HCFC1: variants seen among roughly 807,000 people sequenced by gnomAD.
HCFC1 encodes the protein host cell factor C1, also known as host cell factor 1.
A neutral mutation model predicts 105.5 loss-of-function variants in HCFC1; 7 were observed. The ratio of observed to expected loss-of-function variants is 0.07; its 90% confidence interval spans 0.04 to 0.12. HCFC1 has a LOEUF of 0.12. Among genes scored for constraint, HCFC1 ranks in the 10% least tolerant of loss-of-function variants. HCFC1 has a pLI of 1.00. For synonymous variants in HCFC1, 918 were observed against 828.1 expected (o/e 1.11, Z -1.86); for missense variants, 1,065 against 1,823.6 (o/e 0.58, Z 7.58).
Position 153,954,177 on chromosome X carries a change from G to C in HCFC1, c.4222C>G (p.Leu1408Val). The C allele has an allele frequency of 8.3e-7, 1 of 1,201,155 alleles. No homozygotes were observed. The highest frequency in any genetic ancestry group is 1.1e-6 in the Non-Finnish European group (1 of 891,723). Residue 1408 changes from leucine to valine, a missense_variant, in exon 17 of 26, where the codon CTG becomes GTG. Leu to Val is a conservative substitution (Grantham distance 32). Around this residue, in one of 17 missense-constraint regions of HCFC1, gnomAD observed 546 missense variants for 599.9 expected, o/e 0.91. Transcript: ENST00000310441. ...SVTPQAGTAL[L>V]APFPTQRVCS... ...ACCCTCTGTGTTGGGAAAGGAGCCA[G>C]CAGCGCGGTGCCAGCCTGGGGGGTG...
At position 153,951,373 on chromosome X, in the gene HCFC1, G is replaced by C. The variant is rs1557112388; in HGVS notation, c.5494C>G (p.Pro1832Ala). 8.3e-7 allele frequency: 1 copy of C among 1,211,472 alleles called. No individual in the cohort carries two copies. The highest frequency in any genetic ancestry group is 1.1e-6 in the Non-Finnish European group (1 of 895,254). Residue 1832 changes from proline (P) to alanine (A), a missense_variant, in exon 22 of 26, where the codon CCA becomes GCA. By Grantham distance (27) the Pro-to-Ala change is conservative. This residue lies in a region of HCFC1 where 17 missense variants were observed against 30.5 expected (regional missense o/e 0.56). Coordinates refer to ENST00000310441, the MANE Select transcript of HCFC1 (RefSeq NM_005334.3). Reference protein sequence around the residue: ...NVMVTHYFLPPDDAVPSDDDL... With the variant: ...NVMVTHYFLPADDAVPSDDDL... ...ACGTCTGATGGGACAGCATCATCTG[G>C]TGGCAGGAAATAGTGTGTCACCATT...
At chrX:153,953,915 C>G in intron 17 of HCFC1, 145 bp from the exon 18 acceptor site, 1 of 879,740 alleles carries the variant, frequency 1.1e-6, no homozygotes, top group Non-Finnish European at 1.6e-6. Context: ...GCTTCAGGTA[C>G]AGCCAGGACG....
Position 153,962,722 on chromosome X carries a change from A to G in HCFC1, c.713-416T>C, listed in dbSNP as rs147915697. On this transcript the variant is annotated intron_variant, in intron 4 of 25. Transcript: ENST00000310441. ...TGCCGACTCTGATCTATAGGACAAC[A>G]TCGCCATCTCCTCTCTCCCAGCTGA... 2.3e-3 allele frequency among the ~76,000 whole-genome samples: 256 copies of G among 111,978 alleles called. 2 individuals are homozygous for G. Among genetic ancestry groups the G allele is most frequent in the South Asian group, 0.018 (48 of 2,696 alleles).
intron 1 of HCFC1, among the ~76,000 whole-genome samples, chrX:153,969,034 G>C (rs1262910781): frequency 8.9e-6 from 1 of 112,207 alleles, no homozygotes; most frequent in Non-Finnish European, 1.9e-5. Flanking sequence ...ACGAAAAACG[G>C]TCACAGACAA....
intron 4 of HCFC1, 95 bp downstream of exon 4, chrX:153,963,130 C>T: frequency 4.7e-6 from 3 of 639,742 alleles, no homozygotes; most frequent in Non-Finnish European, 7.7e-6. Context: ...TCCCTAAGAG[C>T]CCCACCTCAC....
In HCFC1 at chrX:153,958,684, G is replaced by A. The variant is rs2065401337; in HGVS notation, c.1688C>T (p.Ser563Leu). Residue 563 changes from serine (S) to leucine (L), a missense_variant, in exon 10 of 26, where the codon TCG (serine) becomes TTG (leucine). Ser to Leu is a moderately radical substitution (Grantham distance 145, BLOSUM62 -2). This residue lies in a region of HCFC1 where 137 missense variants were observed against 378.2 expected (regional missense o/e 0.36). Coordinates refer to ENST00000310441, the MANE Select transcript of HCFC1 (RefSeq NM_005334.3). ...TGGGACACTCAGCACCGTGGGTGCC[G>A]AGGAAGGGGGGATCTTCTGGGTGGC... ...AAATQKIPPS[S>L]APTVLSVPAG... The A allele has an allele frequency of 2.5e-6, 3 of 1,200,303 alleles. No homozygotes were observed. The highest frequency in any genetic ancestry group is 1.7e-5 in the African/African-American group (1 of 57,183).
chrX:153,950,745 G>A, intron 23 of HCFC1, 68 bp downstream of exon 23: 2 of 1,071,042 alleles, frequency 1.9e-6, no homozygotes, highest in Non-Finnish European at 1.3e-6. Context: ...CCCCCCCCCG[G>A]CCACCTCATG....
intron 10 of HCFC1, 72 bp downstream of exon 10, chrX:153,958,497 G>C: frequency 1.0e-6 from 1 of 999,341 alleles, no homozygotes; most frequent in Admixed American, 2.6e-5. Context: ...ACGGTCCAAC[G>C]GCTAACTCTA....
chrX:153,964,318 G>C (rs1557117812), intron 2 of HCFC1, 34 bp from the exon 3 acceptor site: 1 of 1,130,633 alleles, frequency 8.8e-7, no homozygotes, highest in Admixed American at 2.7e-5. Context: ...TGAACCGTGG[G>C]ATGAGAAGGC....
At chrX:153,958,473 T>C in intron 10 of HCFC1, 96 bp downstream of exon 10, 6 of 864,509 alleles carry the variant, frequency 6.9e-6, no homozygotes, top group South Asian at 4.7e-5. Context: ...TGGAGACAGC[T>C]TATTCTGCAG....
At chrX:153,950,211 T>G (rs782283485) in intron 24 of HCFC1, 32 bp downstream of exon 24, 1 of 1,125,993 alleles carries the variant, frequency 8.9e-7, no homozygotes, top group African/African-American at 1.8e-5. Context: ...GGGCCTTCCC[T>G]GTGCCTGAAG....
Position 153,958,713 on chromosome X carries a change from G to A in HCFC1, c.1659C>T (p.Ala553=), listed in dbSNP as rs1012734705. 1.7e-5 allele frequency: 20 copies of A among 1,192,984 alleles called. No homozygotes were observed. The highest frequency in any genetic ancestry group is 2.1e-5 in the Non-Finnish European group (19 of 884,985). The stretch of plus-strand genomic sequence containing the variant: ...AAGGGGGGATCTTCTGGGTGGCAGC[G>A]GCCGCAGCGGCCAGTGCGGCCATCC... ...MSGMAALAAA[A]AATQKIPPSS... is the part of the protein sequence containing the mutation. The change falls in exon 10 of 26, where the codon GCC becomes GCT. Residue 553 remains alanine, a synonymous_variant. Transcript: ENST00000310441.
intron 5 of HCFC1, among the ~76,000 whole-genome samples, chrX:153,961,886 CCA>C (rs1190001764): frequency 8.9e-6 from 1 of 112,172 alleles, no homozygotes; most frequent in Admixed American, 9.4e-5. Context: ...ACCTTCATGT[CCA>C]CAGTTTCTAG....
intron 6 of HCFC1, among the ~76,000 whole-genome samples, chrX:153,960,996 G>A (rs1424745241): frequency 2.7e-5 from 3 of 112,335 alleles, no homozygotes; most frequent in Non-Finnish European, 3.8e-5. Context: ...TCACCCCTAG[G>A]ATACACTTGC....
chrX:153,954,341 G>A lies in HCFC1; in HGVS notation c.4058C>T (p.Ala1353Val). The A allele has an allele frequency of 8.3e-7, 1 of 1,202,290 alleles. No homozygotes were observed. The highest frequency in any genetic ancestry group is 1.1e-6 in the Non-Finnish European group (1 of 890,181). Residue 1353 changes from alanine (A) to valine (V), a missense_variant, in exon 17 of 26, where the codon GCT (alanine) becomes GTT (valine). Ala to Val is a moderately conservative substitution (Grantham distance 64). Coordinates refer to ENST00000310441, the MANE Select transcript of HCFC1 (RefSeq NM_005334.3). ...CTGGTGTGTCTCACAGGGGCGACCA[G>A]CAGGGGGCTGCTGCCCACCCTCGGG... ...GQPEGGQQPPAGRPCETHQTT... is the reference protein window; with the variant it reads ...GQPEGGQQPPVGRPCETHQTT...
At chrX:153,968,138 C>T (rs1259411642) in intron 1 of HCFC1, among the ~76,000 whole-genome samples, 9 of 111,448 alleles carry the variant, frequency 8.1e-5, no homozygotes, top group African/African-American at 2.9e-4. Context: ...ACAGAGCCAC[C>T]GTAGCCAAAG....
At chrX:153,953,877 C>T (rs2065341355) in intron 17 of HCFC1, 107 bp from the exon 18 acceptor site, 1 of 943,344 alleles carries the variant, frequency 1.1e-6, no homozygotes, top group Non-Finnish European at 1.4e-6. Context: ...CCAGATAAGG[C>T]AGGACAGGCT....
chrX:153,970,583 G>A lies in HCFC1; in HGVS notation c.193+65C>T, dbSNP rs1381082995. ...GGAGCAGATGGAGGGAGGGAGGAAA[G>A]AGGAGGGAGAGGGAGGAGATGGAGG... is the stretch of plus-strand genomic sequence containing the variant. On this transcript the variant is annotated intron_variant, in intron 1 of 25. Coordinates refer to ENST00000310441, the MANE Select transcript of HCFC1 (RefSeq NM_005334.3). 17 of 801,028 alleles carry A rather than the reference G, an allele frequency of 2.1e-5. No individual in the cohort carries two copies. In the African/African-American group the frequency reaches 2.2e-4, roughly 10 times the overall value. 66.0% of individuals were successfully genotyped at this position (801,028 alleles called of 1,213,427 possible).
At chrX:153,963,182 C>T (rs781853821) in intron 4 of HCFC1, 43 bp downstream of exon 4, 2 of 1,079,634 alleles carry the variant, frequency 1.9e-6, no homozygotes, top group East Asian at 3.0e-5. Context: ...AGAGGCAGAC[C>T]CGCTTTGTCC....
Sources: gnomAD v4.1 joint callset for allele counts (sites outside exome capture counted in the v4.1 genomes callset) on GRCh38, gnomAD v4.1.1 for gene constraint, gnomAD v4.1.1 regional missense constraint, MANE v1.5 for transcripts, NCBI Gene and HGNC (gene_info 2026-07-23, HGNC 2026-07-21) for gene names.